RANBP2: variants seen among roughly 807,000 people sequenced by gnomAD.
RANBP2 encodes the protein RAN binding protein 2, also known as E3 SUMO-protein ligase RanBP2.
A neutral mutation model predicts 303.6 loss-of-function variants in RANBP2; 57 were observed. That is an observed-to-expected ratio of 0.19 (90% CI 0.15 to 0.23). The LOEUF is 0.23. RANBP2 is among the 10% of genes least tolerant of loss of function. The pLI, the probability that RANBP2 is intolerant of heterozygous loss-of-function variation, is 1.00. For synonymous variants in RANBP2, 1,167 were observed against 1,301.5 expected, an observed-to-expected ratio of 0.90 and a Z score of 2.23; for missense variants, 3,138 against 3,780.8, an observed-to-expected ratio of 0.83 and a Z score of 4.46.
the RANBP2 span, among the ~76,000 whole-genome samples, chr2:109,415,475 C>T: frequency 4.6e-5 from 7 of 152,156 alleles, no homozygotes; most frequent in South Asian, 2.1e-4. Context: ...GCTACAGTCG[C>T]GGCTGCTATT....
the RANBP2 span, chr2:108,896,675 T>C: frequency 1.6e-5 from 9 of 558,544 alleles, no homozygotes; most frequent in South Asian, 2.4e-5. Context: ...AGATATTTAC[T>C]CTGCCTGGTG....
chr2:109,118,809 C>T, the RANBP2 span, among the ~76,000 whole-genome samples: 8 of 152,122 alleles, frequency 5.3e-5, no homozygotes, highest in Non-Finnish European at 8.8e-5. Context: ...GAAAGATGGA[C>T]ACATGCCTGG....
At chr2:108,930,100 C>T in the RANBP2 span, 2 of 1,609,932 alleles carry the variant, frequency 1.2e-6, no homozygotes, top group Non-Finnish European at 1.7e-6. Context: ...CACCAGGCTC[C>T]AGGAGGGCTG....
At chr2:109,622,102 G>A in the RANBP2 span, among the ~76,000 whole-genome samples, 5 of 152,098 alleles carry the variant, frequency 3.3e-5, no homozygotes, top group Non-Finnish European at 5.9e-5. Flanking sequence ...ATATATACCC[G>A]ATGAGGTTTC....
At chr2:109,618,584 TACTTA>T in the RANBP2 span, 1 of 167,074 alleles carries the variant, frequency 6.0e-6, no homozygotes, top group Non-Finnish European at 1.5e-5. Context: ...CATTTTCGGC[TACTTA>T]ACTTTACATT....
downstream of RANBP2, chr2:108,786,977 G>T (rs373906763): frequency 5.2e-6 from 6 of 1,163,802 alleles, no homozygotes; most frequent in East Asian, 3.3e-5. Context: ...CCCGCTCCGT[G>T]CCCCGCGCAG....
At chr2:109,067,693 T>C in the RANBP2 span, among the ~76,000 whole-genome samples, 1 of 152,226 alleles carries the variant, frequency 6.6e-6, no homozygotes, top group Non-Finnish European at 1.5e-5. Context: ...ACTCTGCCCC[T>C]GCTCCCCAAA....
At chr2:108,990,452 A>C in the RANBP2 span, among the ~76,000 whole-genome samples, 3 of 150,962 alleles carry the variant, frequency 2.0e-5, 1 homozygote, top group African/African-American at 7.3e-5. Context: ...AAAAAAAAAA[A>C]AAAAAATATA....
the RANBP2 span, among the ~76,000 whole-genome samples, chr2:109,334,608 G>A: frequency 1.3e-5 from 2 of 152,166 alleles, no homozygotes; most frequent in East Asian, 1.9e-4. Context: ...TGTCCACTGC[G>A]CTGATTCCAG....
At chr2:108,862,080 T>G in the RANBP2 span, among the ~76,000 whole-genome samples, 1 of 151,158 alleles carries the variant, frequency 6.6e-6, no homozygotes, top group African/African-American at 2.4e-5. Flanking sequence ...GATTTCAGTT[T>G]TTTTTTTTTT....
the RANBP2 span, among the ~76,000 whole-genome samples, chr2:109,395,828 C>T: frequency 3.2e-4 from 49 of 152,202 alleles, no homozygotes; most frequent in Non-Finnish European, 5.7e-4. Context: ...ATCAGGGCCC[C>T]ATCTCTTCTG....
At chr2:109,190,870 G>A in the RANBP2 span, among the ~76,000 whole-genome samples, 1 of 151,792 alleles carries the variant, frequency 6.6e-6, no homozygotes, top group East Asian at 1.9e-4. Flanking sequence ...TGTATGTAAA[G>A]CACTGTGCTC....
the RANBP2 span, among the ~76,000 whole-genome samples, chr2:109,581,710 G>GA: frequency 4.6e-5 from 7 of 152,092 alleles, no homozygotes; most frequent in Admixed American, 1.3e-4. Flanking sequence ...AAGTTAATGA[G>GA]AAAAAACAAG....
chr2:109,255,568 G>T, the RANBP2 span, among the ~76,000 whole-genome samples: 1 of 152,318 alleles, frequency 6.6e-6, no homozygotes, highest in African/African-American at 2.4e-5. Flanking sequence ...CACCAAGGTT[G>T]CTATCACCTC....
the RANBP2 span, among the ~76,000 whole-genome samples, chr2:109,152,362 C>A: frequency 1.3e-5 from 2 of 152,178 alleles, no homozygotes; most frequent in Admixed American, 1.3e-4. Context: ...TGGCAAATCC[C>A]TCTTATATTG....
In RANBP2 at chr2:108,747,247, G is replaced by A. The variant is rs190338182; in HGVS notation, c.1063+449G>A. 5.3e-4 allele frequency among the ~76,000 whole-genome samples: 81 copies of A among 152,318 alleles called. 1 individual carries two copies. In the East Asian group the frequency reaches 0.015, roughly 28 times the overall value. ...ACCTTATATTAGGCTCTTGGAATTTGTGGATTTTTTCCCCCATTTTTGGCT... is the reference window on the plus strand; with the variant it reads ...ACCTTATATTAGGCTCTTGGAATTTATGGATTTTTTCCCCCATTTTTGGCT... On this transcript the variant is annotated intron_variant, in intron 8 of 28. Transcript: ENST00000283195.
At chr2:109,249,505 CTTTCATTCTTTCTT>C in the RANBP2 span, among the ~76,000 whole-genome samples, 3,472 of 42,416 alleles carry the variant, frequency 0.082, 101 homozygotes, top group Admixed American at 0.19. Context: ...TTCTTTCTTT[CTTTCATTCTTTCTT>C]TTTCTTTCTT....
the RANBP2 span, among the ~76,000 whole-genome samples, chr2:108,837,359 G>A: frequency 2.6e-5 from 4 of 152,138 alleles, no homozygotes; most frequent in East Asian, 1.9e-4. Flanking sequence ...ATGTTGAACC[G>A]TCCTTGCATT....
At chr2:108,880,402 G>C in the RANBP2 span, among the ~76,000 whole-genome samples, 2 of 152,276 alleles carry the variant, frequency 1.3e-5, no homozygotes, top group Non-Finnish European at 2.9e-5. Flanking sequence ...GTTATTTTGT[G>C]AGTACCAACT....
Sources: gnomAD v4.1 joint callset for allele counts (sites outside exome capture counted in the v4.1 genomes callset) on GRCh38, gnomAD v4.1.1 for gene constraint, MANE v1.5 for transcripts, NCBI Gene and HGNC (gene_info 2026-07-23, HGNC 2026-07-21) for gene names.